INVS: variants seen among roughly 807,000 people sequenced by gnomAD.
INVS encodes inversion of embryo turning homolog.
In INVS, 86 loss-of-function variants were observed where a neutral mutation model predicts 108.8. The ratio of observed to expected loss-of-function variants is 0.79; its 90% confidence interval spans 0.66 to 0.95. The LOEUF (loss-of-function observed/expected upper bound fraction) is 0.95. INVS is among the 40% of genes least tolerant of loss of function. The pLI is 0.00. For missense variants in INVS, 1,169 were observed against 1,297.4 expected (o/e 0.90, Z 1.52); for synonymous variants, 455 against 473.5 (o/e 0.96, Z 0.51).
intron 3 of INVS, among the ~76,000 whole-genome samples, chr9:100,209,158 A>G (rs1830759883): frequency 6.6e-6 from 1 of 152,226 alleles, no homozygotes; most frequent in South Asian, 2.1e-4. Context: ...CTTGTGCAGT[A>G]TTGGGAAAAA....
intron 3 of INVS, among the ~76,000 whole-genome samples, chr9:100,192,245 A>G (rs888146097): frequency 6.4e-5 from 7 of 110,042 alleles, no homozygotes; most frequent in Non-Finnish European, 1.3e-4. Flanking sequence ...TTGGGGAAAA[A>G]AGAGTGTGTG....
chr9:100,171,860 C>T (rs903423056), intron 3 of INVS, among the ~76,000 whole-genome samples: 14 of 152,114 alleles, frequency 9.2e-5, no homozygotes, highest in Admixed American at 3.3e-4. Context: ...TGATATAAAT[C>T]AGAAGACCTA....
At chr9:100,175,230 A>G in intron 3 of INVS, 1 of 591,728 alleles carries the variant, frequency 1.7e-6, no homozygotes. Context: ...GAAGCATCCA[A>G]CTGTAAAGAC....
chr9:100,194,286 A>G (rs1047644518), intron 3 of INVS, among the ~76,000 whole-genome samples: 3 of 152,202 alleles, frequency 2.0e-5, no homozygotes, highest in African/African-American at 7.2e-5. Context: ...AAAGCCATTT[A>G]TTCCATTTAG....
intron 3 of INVS, among the ~76,000 whole-genome samples, chr9:100,219,338 G>A (rs772050631): frequency 6.6e-6 from 1 of 152,318 alleles, no homozygotes; most frequent in Middle Eastern, 3.4e-3. Context: ...CAGGCACAGT[G>A]GTGCACGCCT....
intron 10 of INVS, among the ~76,000 whole-genome samples, chr9:100,255,625 G>T (rs770406719): frequency 8.5e-5 from 13 of 152,064 alleles, no homozygotes; most frequent in Non-Finnish European, 1.6e-4. Context: ...TAGCAGGAAG[G>T]GCTGTTGGAT....
chr9:100,232,611 A>G (rs1831548434), intron 5 of INVS, among the ~76,000 whole-genome samples: 1 of 152,200 alleles, frequency 6.6e-6, no homozygotes, highest in South Asian at 2.1e-4. Flanking sequence ...GAAATAGGGA[A>G]TCCTTTCCCC....
chr9:100,103,723 A>C, intron 1 of INVS, among the ~76,000 whole-genome samples: 1 of 146,666 alleles, frequency 6.8e-6, no homozygotes, highest in East Asian at 2.1e-4. Context: ...AGGGGAGGGG[A>C]TGGGATTTGT....
intron 3 of INVS, among the ~76,000 whole-genome samples, chr9:100,171,575 A>C (rs1030786744): frequency 2.6e-5 from 4 of 152,206 alleles, no homozygotes; most frequent in African/African-American, 9.7e-5. Context: ...GGATCAGACC[A>C]TGAAGTGTCT....
At chr9:100,203,793 T>C (rs771402054) in intron 3 of INVS, among the ~76,000 whole-genome samples, 3 of 152,044 alleles carry the variant, frequency 2.0e-5, no homozygotes, top group Non-Finnish European at 4.4e-5. Flanking sequence ...CCCCAAATCT[T>C]CTTTCTTAAA....
intron 3 of INVS, among the ~76,000 whole-genome samples, chr9:100,138,700 CTTTTTTTT>C (rs36096327): frequency 8.0e-6 from 1 of 124,938 alleles, no homozygotes; most frequent in Non-Finnish European, 1.6e-5. Flanking sequence ...TGATGGTTTC[CTTTTTTTT>C]TTTTTTTTTT....
chr9:100,203,897 G>A (rs955832870), intron 3 of INVS, among the ~76,000 whole-genome samples: 1 of 152,092 alleles, frequency 6.6e-6, no homozygotes, highest in African/African-American at 2.4e-5. Context: ...AATTTAGCAT[G>A]TATAAGCATT....
At chr9:100,192,233 T>C (rs1314932475) in intron 3 of INVS, among the ~76,000 whole-genome samples, 1 of 146,526 alleles carries the variant, frequency 6.8e-6, no homozygotes, top group African/African-American at 2.6e-5. Flanking sequence ...CAGTCCACCA[T>C]CTTGGGGAAA....
chr9:100,129,871 T>C (rs1460463327), intron 3 of INVS: 1 of 457,680 alleles, frequency 2.2e-6, no homozygotes, highest in Non-Finnish European at 4.0e-6. Context: ...AGTTTGGAGA[T>C]AATAGTGGCT....
At chr9:100,146,659 T>C (rs893861658) in intron 3 of INVS, among the ~76,000 whole-genome samples, 3 of 152,200 alleles carry the variant, frequency 2.0e-5, no homozygotes, top group Non-Finnish European at 4.4e-5. Context: ...TATTTAATTA[T>C]TAAATTTTTT....
In INVS at chr9:100,226,232, C is replaced by T. The variant is rs755575787; in HGVS notation, c.444C>T (p.Asn148=). The change falls in exon 4 of 17, where the codon AAC becomes AAT. Residue 148 remains asparagine (N), a synonymous_variant. Transcript: ENST00000262457. ...GAGAAGTGGATACACAGGATAAAAA[C>T]AAGGTAATGGATACTCAAAATCAAA... is the stretch of plus-strand genomic sequence containing the variant. ...APGEVDTQDK[N]KQTALHWSAY... is the part of the protein sequence containing the mutation. 4.5e-5 allele frequency: 73 copies of T among 1,613,200 alleles called. No homozygotes were observed. The highest frequency in any genetic ancestry group is 5.8e-5 in the Non-Finnish European group (68 of 1,179,536).
chr9:100,247,710 C>T (rs929537040), intron 8 of INVS, among the ~76,000 whole-genome samples: 6 of 151,846 alleles, frequency 4.0e-5, no homozygotes, highest in African/African-American at 1.4e-4. Context: ...CAACCACAGC[C>T]TCAAAAAAAA....
At chr9:100,275,380 A>G (rs1047965325) in intron 12 of INVS, among the ~76,000 whole-genome samples, 1 of 152,234 alleles carries the variant, frequency 6.6e-6, no homozygotes, top group African/African-American at 2.4e-5. Flanking sequence ...CTACTTGAAT[A>G]TAAGGTGGGA....
intron 1 of INVS, among the ~76,000 whole-genome samples, chr9:100,100,890 ATATATT>A (rs1826913233): frequency 1.8e-5 from 1 of 56,968 alleles, no homozygotes; most frequent in African/African-American, 8.6e-5. Context: ...TATATATAAT[ATATATT>A]ATATATGTAT....
Sources: gnomAD v4.1 joint callset for allele counts (sites outside exome capture counted in the v4.1 genomes callset) on GRCh38, gnomAD v4.1.1 for gene constraint, MANE v1.5 for transcripts, NCBI Gene and HGNC (gene_info 2026-07-23, HGNC 2026-07-21) for gene names.